Variants in KHDRBS2 observed in about 807,000 individuals in gnomAD.
KHDRBS2 encodes KH RNA binding domain containing, signal transduction associated 2, also known as KH domain-containing, RNA-binding, signal transduction-associated protein 2.
Under a neutral mutation model 44.3 loss-of-function variants are expected in KHDRBS2, and 26 were observed. The observed-to-expected ratio is 0.59, with a 90% confidence interval of 0.43 to 0.81. The LOEUF (loss-of-function observed/expected upper bound fraction) is 0.81, where lower values mean the gene tolerates loss of function less well. Among genes scored for constraint, KHDRBS2 ranks in the 40% least tolerant of loss-of-function variants. The pLI is 0.00. For synonymous variants in KHDRBS2, 194 were observed against 151.1 expected (o/e 1.28, Z -2.08); for missense variants, 476 against 433.1 (o/e 1.10, Z -0.88).
At chr6:61,748,303 T>C (rs1369087291) in intron 6 of KHDRBS2, among the ~76,000 whole-genome samples, 2 of 152,156 alleles carry the variant, frequency 1.3e-5, no homozygotes, top group Non-Finnish European at 2.9e-5. Context: ...TATTCAAGTT[T>C]TTAAATTACT....
chr6:61,958,030 T>A (rs1767804649), intron 4 of KHDRBS2, among the ~76,000 whole-genome samples: 1 of 152,122 alleles, frequency 6.6e-6, no homozygotes, highest in African/African-American at 2.4e-5. Flanking sequence ...TGCCCTATAA[T>A]CATCATTATT....
intron 7 of KHDRBS2, among the ~76,000 whole-genome samples, chr6:61,705,030 G>A (rs1382070199): frequency 6.6e-6 from 1 of 151,728 alleles, no homozygotes; most frequent in Non-Finnish European, 1.5e-5. Flanking sequence ...ATACAACTTT[G>A]CAGGATAATT....
At chr6:61,736,539 C>A (rs1375761877) in intron 6 of KHDRBS2, among the ~76,000 whole-genome samples, 1 of 151,972 alleles carries the variant, frequency 6.6e-6, no homozygotes, top group African/African-American at 2.4e-5. Context: ...ACCTTTATTT[C>A]TTATGCAAGA....
At chr6:62,143,785 A>C (rs922080630) in intron 2 of KHDRBS2, among the ~76,000 whole-genome samples, 3 of 151,914 alleles carry the variant, frequency 2.0e-5, no homozygotes, top group African/African-American at 7.2e-5. Flanking sequence ...TGACTCACTT[A>C]TTCTGAATGG....
At chr6:62,105,988 C>G (rs866388124) in intron 2 of KHDRBS2, among the ~76,000 whole-genome samples, 42 of 152,182 alleles carry the variant, frequency 2.8e-4, no homozygotes, top group South Asian at 1.2e-3. Context: ...TCTTTGTTCC[C>G]GTTGGTTTCA....
At chr6:62,074,658 T>C (rs1795974247) in intron 2 of KHDRBS2, among the ~76,000 whole-genome samples, 1 of 151,926 alleles carries the variant, frequency 6.6e-6, no homozygotes, top group Non-Finnish European at 1.5e-5. Context: ...TTAAAAAATA[T>C]ATATGTTATC....
chr6:61,978,526 G>A (rs903581496), intron 3 of KHDRBS2, among the ~76,000 whole-genome samples: 3 of 152,082 alleles, frequency 2.0e-5, no homozygotes, highest in African/African-American at 7.2e-5. Context: ...TAGTCTACAT[G>A]ACTACATTCT....
At chr6:61,943,374 A>C (rs1359511467) in intron 4 of KHDRBS2, among the ~76,000 whole-genome samples, 1 of 152,080 alleles carries the variant, frequency 6.6e-6, no homozygotes, top group Non-Finnish European at 1.5e-5. Context: ...CATTAAAAAA[A>C]CCACCAAACC....
chr6:62,150,439 T>C (rs370033399), intron 2 of KHDRBS2, among the ~76,000 whole-genome samples: 2 of 152,340 alleles, frequency 1.3e-5, no homozygotes, highest in African/African-American at 4.8e-5. Flanking sequence ...CTTCATTTTG[T>C]AAGCGGCCAC....
At chr6:62,136,493 C>G (rs770087437) in intron 2 of KHDRBS2, among the ~76,000 whole-genome samples, 1 of 152,090 alleles carries the variant, frequency 6.6e-6, no homozygotes, top group Non-Finnish European at 1.5e-5. Flanking sequence ...ACATTTTATT[C>G]TTTATATTTT....
At chr6:61,876,503 T>TA (rs34268462) in intron 6 of KHDRBS2, among the ~76,000 whole-genome samples, 53,362 of 151,590 alleles carry the variant, frequency 0.35, 10,491 homozygotes, top group East Asian at 0.49. Context: ...TACATTCTTC[T>TA]AAAAAAATAT....
the KHDRBS2 span, among the ~76,000 whole-genome samples, chr6:61,602,048 CT>C: frequency 6.6e-6 from 1 of 152,118 alleles, no homozygotes; most frequent in African/African-American, 2.4e-5. Context: ...CCCTGAGATG[CT>C]TTACAGCCCT....
chr6:62,177,430 G>T, intron 1 of KHDRBS2, 118 bp from the exon 2 acceptor site: 3 of 767,202 alleles, frequency 3.9e-6, no homozygotes, highest in Non-Finnish European at 6.0e-6. Flanking sequence ...ATAAGATTTT[G>T]ATGAATATTG....
chr6:62,195,975 A>C (rs1825607671), intron 1 of KHDRBS2, among the ~76,000 whole-genome samples: 2 of 152,198 alleles, frequency 1.3e-5, no homozygotes, highest in Non-Finnish European at 2.9e-5. Context: ...TGTTTCTAAA[A>C]ATATTAAAAC....
At chr6:62,115,082 T>C (rs1805895128) in intron 2 of KHDRBS2, among the ~76,000 whole-genome samples, 1 of 152,154 alleles carries the variant, frequency 6.6e-6, no homozygotes, top group African/African-American at 2.4e-5. Context: ...AGTTGGAGTA[T>C]TAAAATGATT....
chr6:62,197,453 C>A (rs1306959298), intron 1 of KHDRBS2, among the ~76,000 whole-genome samples: 1 of 152,088 alleles, frequency 6.6e-6, no homozygotes, highest in South Asian at 2.1e-4. Flanking sequence ...TAAGATTACT[C>A]TAAGAACACT....
At chr6:62,056,093 A>T (rs866870333) in intron 2 of KHDRBS2, among the ~76,000 whole-genome samples, 1 of 151,952 alleles carries the variant, frequency 6.6e-6, no homozygotes, top group African/African-American at 2.4e-5. Flanking sequence ...CCTTTCCTTC[A>T]TCTCTTCCCA....
At chr6:62,063,587 T>C (rs1175055842) in intron 2 of KHDRBS2, among the ~76,000 whole-genome samples, 2 of 151,688 alleles carry the variant, frequency 1.3e-5, no homozygotes, top group Admixed American at 1.3e-4. Flanking sequence ...CAACCCTTCA[T>C]GATAAAAACT....
At chr6:61,618,861 T>C in the KHDRBS2 span, among the ~76,000 whole-genome samples, 1 of 152,194 alleles carries the variant, frequency 6.6e-6, no homozygotes, top group Non-Finnish European at 1.5e-5. Context: ...GATCCGATCT[T>C]AATTGTTTTC....
Sources: gnomAD v4.1 joint callset for allele counts (sites outside exome capture counted in the v4.1 genomes callset) on GRCh38, gnomAD v4.1.1 for gene constraint, MANE v1.5 for transcripts, NCBI Gene and HGNC (gene_info 2026-07-23, HGNC 2026-07-21) for gene names.